Variants in CWF19L2 observed in about 807,000 individuals in gnomAD.
CWF19L2 encodes CWF19-like protein 2.
CWF19L2 carries 98 observed loss-of-function variants against 111.7 expected under a neutral mutation model. That is an observed-to-expected ratio of 0.88 (90% CI 0.75 to 1.04). The LOEUF is 1.04. Among genes scored for constraint, CWF19L2 ranks in the 50% least tolerant of loss-of-function variants. The probability of loss-of-function intolerance (pLI) is 0.00; values close to 1 mark genes in which losing one functional copy is unlikely to be tolerated. For synonymous variants in CWF19L2, 351 were observed against 342.9 expected, an observed-to-expected ratio of 1.02 and a Z score of -0.26; for missense variants, 1,101 against 1,051.4, an observed-to-expected ratio of 1.05 and a Z score of -0.65.
chr11:107,398,151 G>A (rs184327301), intron 10 of CWF19L2, among the ~76,000 whole-genome samples: 27 of 152,134 alleles, frequency 1.8e-4, no homozygotes, highest in African/African-American at 4.1e-4. Flanking sequence ...ACACTAGTTC[G>A]CCAGCAATGG....
intron 12 of CWF19L2, among the ~76,000 whole-genome samples, chr11:107,361,565 C>T (rs1860337633): frequency 6.6e-6 from 1 of 152,098 alleles, no homozygotes; most frequent in South Asian, 2.1e-4. Context: ...TTACTCTGGC[C>T]AGTATGGCAA....
intron 12 of CWF19L2, among the ~76,000 whole-genome samples, chr11:107,359,072 T>C (rs1159963347): frequency 7.9e-5 from 12 of 152,106 alleles, no homozygotes; most frequent in Non-Finnish European, 1.3e-4. Context: ...CATGCACAGA[T>C]AAAAGTTACA....
intron 8 of CWF19L2, among the ~76,000 whole-genome samples, chr11:107,425,240 ATAAG>A (rs558415997): frequency 2.1e-3 from 314 of 151,530 alleles, no homozygotes; most frequent in Non-Finnish European, 3.6e-3. Flanking sequence ...CCTTTGAGAA[ATAAG>A]TAACTAAAAG....
chr11:107,406,669 T>C (rs1861082448), intron 10 of CWF19L2, among the ~76,000 whole-genome samples: 1 of 151,622 alleles, frequency 6.6e-6, no homozygotes, highest in African/African-American at 2.4e-5. Flanking sequence ...TTTTATAATA[T>C]ACTATTGTGT....
chr11:107,427,227 T>TTTTTC (rs5794552), intron 8 of CWF19L2, among the ~76,000 whole-genome samples: 117,599 of 151,194 alleles, frequency 0.78, 45,985 homozygotes, highest in African/African-American at 0.85. Context: ...TCAGGAATCT[T>TTTTTC]TTTTTTTGGA....
At chr11:107,437,569 T>G (rs1271336718) in intron 6 of CWF19L2, among the ~76,000 whole-genome samples, 1 of 152,212 alleles carries the variant, frequency 6.6e-6, no homozygotes, top group African/African-American at 2.4e-5. Context: ...ACAGAAGCTT[T>G]CTGTCATTTT....
chr11:107,343,808 G>A (rs1206100127), intron 14 of CWF19L2, among the ~76,000 whole-genome samples: 2 of 151,914 alleles, frequency 1.3e-5, no homozygotes, highest in Non-Finnish European at 2.9e-5. Context: ...CAGTCTACTG[G>A]GGCCATTTTA....
Position 107,369,136 on chromosome 11 carries a change from A to G in CWF19L2, c.1873-15400T>C, listed in dbSNP as rs1473058783. The stretch of plus-strand genomic sequence containing the variant: ...AACGCCAGTTGCTTCTATGCTAACT[A>G]TATCAGCAAGAGTTACACGGTTTTT... On this transcript the variant is annotated intron_variant, in intron 12 of 17. Coordinates refer to ENST00000282251, the MANE Select transcript of CWF19L2 (RefSeq NM_152434.3). 2.9e-5 allele frequency among the ~76,000 whole-genome samples: 4 copies of G among 138,118 alleles called. 1 individual carries two copies. Among genetic ancestry groups the G allele is most frequent in the African/African-American group, 1.2e-4 (4 of 34,714 alleles). 90.6% of individuals were successfully genotyped at this position (138,118 alleles called of 152,430 possible). A position where few individuals can be genotyped will look rare whatever the true frequency, so the allele number is the denominator to read the frequency against.
In CWF19L2 at chr11:107,441,518, G is replaced by C; in HGVS notation, c.555C>G (p.Asn185Lys). Residue 185 changes from asparagine (N) to lysine (K), a missense_variant, in exon 5 of 18, where the codon AAC (asparagine) becomes AAG (lysine). By Grantham distance (94) the Asn-to-Lys change is moderately conservative (BLOSUM62 0). Transcript: ENST00000282251. ...ATTCTCTTACCTGTTCAAGCGCTTG[G>C]TTTTTCTCTTGCTCTATTTTCCTCA... ...ETMRKIEQEK[N>K]QALEQSKLME... The C allele has an allele frequency of 6.5e-7, 1 of 1,540,038 alleles. No individual in the cohort carries two copies. Among genetic ancestry groups the C allele is most frequent in the South Asian group, 1.2e-5 (1 of 81,086 alleles).
At chr11:107,423,348 G>A (rs898042827) in intron 8 of CWF19L2, among the ~76,000 whole-genome samples, 2 of 151,704 alleles carry the variant, frequency 1.3e-5, no homozygotes, top group Non-Finnish European at 2.9e-5. Flanking sequence ...TTATTATGTG[G>A]AATTATAGAT....
chr11:107,372,047 C>T (rs1202802056), intron 12 of CWF19L2, among the ~76,000 whole-genome samples: 1 of 135,438 alleles, frequency 7.4e-6, no homozygotes. Flanking sequence ...AAGGGGGTTT[C>T]TGGAATTCCA....
At chr11:107,355,612 T>C (rs776567154) in intron 12 of CWF19L2, among the ~76,000 whole-genome samples, 12 of 152,148 alleles carry the variant, frequency 7.9e-5, no homozygotes, top group Non-Finnish European at 1.3e-4. Context: ...GGTCACCTGA[T>C]AAAGGAATCA....
chr11:107,363,235 T>A (rs1264127325), intron 12 of CWF19L2, among the ~76,000 whole-genome samples: 2 of 152,092 alleles, frequency 1.3e-5, no homozygotes, highest in African/African-American at 4.8e-5. Flanking sequence ...TGGAACCAAG[T>A]TGGAAAACAC....
At chr11:107,444,142 C>T (rs890528661) in intron 3 of CWF19L2, among the ~76,000 whole-genome samples, 36 of 151,488 alleles carry the variant, frequency 2.4e-4, no homozygotes, top group African/African-American at 8.5e-4. Context: ...TCCTTGACCC[C>T]GTATATTCCT....
intron 12 of CWF19L2, among the ~76,000 whole-genome samples, chr11:107,384,954 T>A (rs1449960329): frequency 6.6e-6 from 1 of 152,170 alleles, no homozygotes; most frequent in Non-Finnish European, 1.5e-5. Flanking sequence ...ATGAAACTAT[T>A]TGACATAACT....
intron 4 of CWF19L2, 93 bp downstream of exon 4, chr11:107,442,846 G>A: frequency 1.6e-6 from 1 of 635,008 alleles, no homozygotes; most frequent in Non-Finnish European, 2.8e-6. Context: ...GGGACAGAGA[G>A]GGAGGGAGGG....
chr11:107,326,975 T>C lies in CWF19L2; in HGVS notation c.2620A>G (p.Lys874Glu), dbSNP rs1022044918. Residue 874 changes from lysine (K) to glutamate (E), a missense_variant, in exon 18 of 18, where the codon AAA becomes GAA. Lys to Glu is a moderately conservative substitution (Grantham distance 56, BLOSUM62 1). Transcript: ENST00000282251. The stretch of plus-strand genomic sequence containing the variant: ...CACTGAGCAAACTGCAGTGCTTTTT[T>C]CCTCTGATCCTCAAAGCTTTCTCGG... Reference protein sequence around the residue: ...GIRESFEDQRKKALQFAQWWK... With the variant: ...GIRESFEDQREKALQFAQWWK... 2 of 1,612,334 alleles carry C rather than the reference T, an allele frequency of 1.2e-6. No individual in the cohort carries two copies. The highest frequency in any genetic ancestry group is 1.7e-6 in the Non-Finnish European group (2 of 1,179,078).
chr11:107,371,549 A>T (rs1860510968), intron 12 of CWF19L2, among the ~76,000 whole-genome samples: 2 of 128,842 alleles, frequency 1.6e-5, no homozygotes, highest in Non-Finnish European at 3.2e-5. Flanking sequence ...TTATTAAAGC[A>T]AGCTAATAAC....
Position 107,429,387 on chromosome 11 carries a change from T to C in CWF19L2, c.845A>G (p.Tyr282Cys). 4 of 1,586,206 alleles carry C rather than the reference T, an allele frequency of 2.5e-6. No individual in the cohort carries two copies. The highest frequency in any genetic ancestry group is 3.4e-6 in the Non-Finnish European group (4 of 1,164,850). The change falls in exon 8 of 18, where the codon TAT (tyrosine) becomes TGT (cysteine). Residue 282 changes from tyrosine (Y) to cysteine (C), a missense_variant. Tyr to Cys is a radical substitution (Grantham distance 194). Transcript: ENST00000282251. ...GGGTTTCCTCCACCGTTCCCGTCTA[T>C]AATCTTCTTTCGTGGATGCAGCTTT... ...AEKAASTKED[Y>C]RRERWRKPTY...
Sources: allele counts gnomAD v4.1 joint callset (sites outside exome capture counted in the v4.1 genomes callset), GRCh38; gene constraint gnomAD v4.1.1; transcripts MANE v1.5; gene names NCBI Gene and HGNC (gene_info 2026-07-23, HGNC 2026-07-21).